The following GNA12 variants were observed in gnomAD, a reference collection of about 807,000 sequenced individuals.
GNA12 encodes guanine nucleotide-binding protein subunit alpha-12.
In GNA12, 9 loss-of-function variants were observed where a neutral mutation model predicts 26.0. That is an observed-to-expected ratio of 0.35 (90% CI 0.21 to 0.60). The LOEUF (loss-of-function observed/expected upper bound fraction) is 0.60, where lower values mean the gene tolerates loss of function less well. Ranked by LOEUF, GNA12 falls within the 20% of genes least tolerant of loss-of-function variation. The pLI, the probability that GNA12 is intolerant of heterozygous loss-of-function variation, is 0.78. For missense variants in GNA12, 405 were observed against 525.8 expected (o/e 0.77, Z 2.25); for synonymous variants, 264 against 219.6 (o/e 1.20, Z -1.79).
At chr7:2,768,877 T>C (rs1157466802) in intron 2 of GNA12, among the ~76,000 whole-genome samples, 2 of 152,226 alleles carry the variant, frequency 1.3e-5, no homozygotes, top group East Asian at 1.9e-4. Flanking sequence ...GATAAACTAC[T>C]ACACATTGAT....
chr7:2,819,464 AG>A (rs1338143758), intron 1 of GNA12, among the ~76,000 whole-genome samples: 1 of 152,256 alleles, frequency 6.6e-6, no homozygotes, highest in Non-Finnish European at 1.5e-5. Context: ...CAGTGGCAAC[AG>A]AAAACCAAAA....
intron 2 of GNA12, among the ~76,000 whole-genome samples, chr7:2,779,262 T>C (rs1164946949): frequency 6.6e-6 from 1 of 152,074 alleles, no homozygotes; most frequent in African/African-American, 2.4e-5. Flanking sequence ...ACGTGAGGAA[T>C]GCTTGAGCCC....
At chr7:2,811,150 C>T (rs1793072256) in intron 1 of GNA12, among the ~76,000 whole-genome samples, 1 of 152,188 alleles carries the variant, frequency 6.6e-6, no homozygotes, top group Non-Finnish European at 1.5e-5. Flanking sequence ...TGGCCCAGAG[C>T]CCCCAGGCTG....
chr7:2,768,173 G>T (rs758476191), intron 2 of GNA12, among the ~76,000 whole-genome samples: 4 of 152,192 alleles, frequency 2.6e-5, no homozygotes, highest in Non-Finnish European at 4.4e-5. Flanking sequence ...GACTATAAAT[G>T]GCCACGGGTA....
intron 2 of GNA12, among the ~76,000 whole-genome samples, chr7:2,754,289 G>A (rs1281179851): frequency 2.6e-5 from 4 of 152,158 alleles, no homozygotes; most frequent in Admixed American, 6.5e-5. Context: ...CCTCTTTGGT[G>A]AAATCACTTC....
At chr7:2,760,909 T>G (rs1265688939) in intron 2 of GNA12, among the ~76,000 whole-genome samples, 1 of 151,836 alleles carries the variant, frequency 6.6e-6, no homozygotes, top group African/African-American at 2.4e-5. Flanking sequence ...TGGTGGGGAG[T>G]GGGGGGTTCT....
At chr7:2,829,301 T>C (rs1053685006) in intron 1 of GNA12, among the ~76,000 whole-genome samples, 2 of 152,170 alleles carry the variant, frequency 1.3e-5, no homozygotes, top group Non-Finnish European at 2.9e-5. Context: ...GTCGGAGAGA[T>C]AAGAAAAACT....
intron 2 of GNA12, among the ~76,000 whole-genome samples, chr7:2,749,627 G>A (rs187664718): frequency 0.012 from 1,868 of 151,922 alleles, 40 homozygotes; most frequent in African/African-American, 0.042. Context: ...AAACCTGCAC[G>A]TTGTGCACAT....
At chr7:2,783,677 T>C (rs1188313487) in intron 2 of GNA12, among the ~76,000 whole-genome samples, 1 of 149,362 alleles carries the variant, frequency 6.7e-6, no homozygotes, top group Non-Finnish European at 1.5e-5. Flanking sequence ...TTTATTTATT[T>C]ATTTATTTAT....
intron 1 of GNA12, among the ~76,000 whole-genome samples, chr7:2,802,420 T>A (rs1255634898): frequency 6.7e-6 from 1 of 148,266 alleles, no homozygotes; most frequent in Non-Finnish European, 1.5e-5. Flanking sequence ...GGGTTCAATT[T>A]TGCTGGATGA....
intron 2 of GNA12, among the ~76,000 whole-genome samples, chr7:2,765,682 G>A (rs1206222304): frequency 1.3e-5 from 2 of 151,750 alleles, no homozygotes; most frequent in African/African-American, 4.8e-5. Flanking sequence ...CCAGGCTGGA[G>A]TGCGATGGCA....
intron 2 of GNA12, among the ~76,000 whole-genome samples, chr7:2,778,806 A>C (rs1314594640): frequency 3.3e-5 from 5 of 152,190 alleles, no homozygotes; most frequent in African/African-American, 1.2e-4. Flanking sequence ...GAAAATGGTG[A>C]GAGTCCAGGG....
At chr7:2,834,205 G>A (rs1172536555) in intron 1 of GNA12, among the ~76,000 whole-genome samples, 6 of 152,188 alleles carry the variant, frequency 3.9e-5, no homozygotes, top group East Asian at 1.9e-4. Flanking sequence ...CTATGTATTC[G>A]AATTTTCTGT....
chr7:2,833,959 C>T (rs183964754), intron 1 of GNA12, among the ~76,000 whole-genome samples: 1 of 152,310 alleles, frequency 6.6e-6, no homozygotes. Context: ...AAAATTTTTA[C>T]ATAATCTTTG....
intron 2 of GNA12, among the ~76,000 whole-genome samples, chr7:2,742,601 C>G (rs1354404017): frequency 6.6e-6 from 1 of 152,170 alleles, no homozygotes; most frequent in Non-Finnish European, 1.5e-5. Flanking sequence ...TCTCGCCGGC[C>G]CTTTGCGTTT....
chr7:2,752,847 A>G (rs1198292797), intron 2 of GNA12, among the ~76,000 whole-genome samples: 5 of 152,192 alleles, frequency 3.3e-5, no homozygotes, highest in African/African-American at 1.2e-4. Context: ...TGTTGTTCTT[A>G]TAGTACAATA....
chr7:2,731,277 G>A lies in GNA12; in HGVS notation c.1050C>T (p.Phe350=). 5 of 1,611,984 alleles carry A rather than the reference G, an allele frequency of 3.1e-6. No homozygotes were observed. The South Asian group carries it at 4.4e-5, about 14-fold the overall frequency. ...RNRSKPLFHH[F]TTAIDTENVR... ...CGTTCTCGGTGTCGATGGCGGTGGT[G>A]AAGTGGTGGAAGAGTGGCTTGCTGC... Residue 350 remains phenylalanine, a synonymous_variant, in exon 4 of 4, where the codon TTC becomes TTT. Transcript: ENST00000275364. This position sits in a 1 kb window ranked among gnomAD's most constrained non-coding sequence, Gnocchi z 6.0.
chr7:2,742,263 G>A (rs987777234), intron 2 of GNA12, among the ~76,000 whole-genome samples: 8 of 152,060 alleles, frequency 5.3e-5, no homozygotes, highest in East Asian at 1.9e-4. Flanking sequence ...TGATCTGCCC[G>A]CCTCAGCCTC....
chr7:2,827,610 G>A (rs1057200494), intron 1 of GNA12, among the ~76,000 whole-genome samples: 3 of 152,154 alleles, frequency 2.0e-5, no homozygotes, highest in African/African-American at 4.8e-5. Context: ...GGGCTGGTCC[G>A]TGAGCAGTGC....
Sources: allele counts gnomAD v4.1 joint callset (sites outside exome capture counted in the v4.1 genomes callset), GRCh38; gene constraint gnomAD v4.1.1; non-coding constraint Gnocchi (gnomAD v3.1); transcripts MANE v1.5; gene names NCBI Gene and HGNC (gene_info 2026-07-23, HGNC 2026-07-21).